Variants in NEDD4L observed in about 807,000 individuals in gnomAD.
NEDD4L encodes NEDD4 like E3 ubiquitin protein ligase.
A neutral mutation model predicts 148.9 loss-of-function variants in NEDD4L; 54 were observed. The ratio of observed to expected loss-of-function variants is 0.36; its 90% CI spans 0.29 to 0.45. The LOEUF (loss-of-function observed/expected upper bound fraction) is 0.45, where lower values mean the gene tolerates loss of function less well. Among genes scored for constraint, NEDD4L ranks in the 20% least tolerant of loss-of-function variants. The pLI is 1.00. For missense variants in NEDD4L, 856 were observed against 1,233.8 expected, an observed-to-expected ratio of 0.69 and a Z score of 4.59; for synonymous variants, 433 against 440.7, an observed-to-expected ratio of 0.98 and a Z score of 0.22.
intron 20 of NEDD4L, among the ~76,000 whole-genome samples, chr18:58,365,113 C>T (rs1351284608): frequency 2.6e-5 from 4 of 152,176 alleles, no homozygotes; most frequent in Non-Finnish European, 5.9e-5. Context: ...TCCTCCTGCC[C>T]GGGAACATCT....
At chr18:58,335,719 A>G (rs745717040) in intron 13 of NEDD4L, 182 bp downstream of exon 13, 2 of 525,596 alleles carry the variant, frequency 3.8e-6, no homozygotes, top group Non-Finnish European at 6.8e-6. Flanking sequence ...TGGGTAAAAT[A>G]GAATGATTTT....
rs59608519 is a variant in NEDD4L, at chr18:58,214,607, TTGTGTGTGTGTG to T, written c.123-30794_123-30783del. Among the ~76,000 whole-genome samples, 756 of 145,298 alleles carry T rather than the reference TTGTGTGTGTGTG, an allele frequency of 5.2e-3. 4 individuals carry two copies. The highest frequency in any genetic ancestry group is 0.018 in the African/African-American group (700 of 39,668). ...ATTCCATAAACATTAGCTGCTCGGTTTGTGTGTGTGTGTGTGTGTGTGTGTGTGTGTGTGTGT... is the reference window on the plus strand; with the variant it reads ...ATTCCATAAACATTAGCTGCTCGGTTTGTGTGTGTGTGTGTGTGTGTGTGT... On this transcript the variant is annotated intron_variant, in intron 2 of 30. Transcript: ENST00000400345.
chr18:58,346,139 G>A (rs2043034256), intron 16 of NEDD4L, among the ~76,000 whole-genome samples: 1 of 152,134 alleles, frequency 6.6e-6, no homozygotes. Flanking sequence ...AATGCATGCT[G>A]GAGACCAGGG....
intron 2 of NEDD4L, among the ~76,000 whole-genome samples, chr18:58,218,356 A>G (rs752022963): frequency 2.0e-5 from 3 of 152,238 alleles, no homozygotes; most frequent in Non-Finnish European, 4.4e-5. Flanking sequence ...CTTATTGCTT[A>G]CATTTAAGTG....
At chr18:58,109,576 T>TTTTTTG (rs2085292144) in intron 1 of NEDD4L, among the ~76,000 whole-genome samples, 2 of 147,272 alleles carry the variant, frequency 1.4e-5, no homozygotes, top group African/African-American at 5.0e-5. Flanking sequence ...TTTTTTGTTT[T>TTTTTTG]TTTTTTTTTT....
At chr18:58,265,961 C>T (rs920669246) in intron 5 of NEDD4L, among the ~76,000 whole-genome samples, 8 of 151,968 alleles carry the variant, frequency 5.3e-5, no homozygotes, top group Non-Finnish European at 7.4e-5. Context: ...ATTTTAAATA[C>T]GTCTCTGCAT....
intron 5 of NEDD4L, among the ~76,000 whole-genome samples, chr18:58,275,528 A>G (rs1270156885): frequency 6.6e-6 from 1 of 152,220 alleles, no homozygotes; most frequent in Non-Finnish European, 1.5e-5. Flanking sequence ...ATTTGGAGAG[A>G]TAACACAGGC....
rs534973367 is a variant in NEDD4L at position 58,203,257 on chromosome 18, G to A, written c.122+37396G>A. 5.3e-5 allele frequency among the ~76,000 whole-genome samples: 8 copies of A among 152,206 alleles called. No individual in the cohort carries two copies. In the South Asian group the frequency reaches 1.0e-3, roughly 20 times the overall value. Reference sequence around the variant, plus strand: ...GCTGGGATGATAGGTGTAAGCCGCCGCACCTGGCCCTCAGTGCATACTTAG... The same window carrying A: ...GCTGGGATGATAGGTGTAAGCCGCCACACCTGGCCCTCAGTGCATACTTAG... On this transcript the variant is annotated intron_variant, in intron 2 of 30. Transcript: ENST00000400345.
At chr18:58,097,586 G>A (rs1433065887) in intron 1 of NEDD4L, among the ~76,000 whole-genome samples, 2 of 152,150 alleles carry the variant, frequency 1.3e-5, no homozygotes, top group African/African-American at 4.8e-5. Context: ...CTTATCTAAA[G>A]TCTAAAGTTA....
chr18:58,278,483 A>G (rs1050748144), intron 5 of NEDD4L, among the ~76,000 whole-genome samples: 2 of 152,226 alleles, frequency 1.3e-5, no homozygotes, highest in African/African-American at 2.4e-5. Context: ...TTATAGCTCA[A>G]AAGTATGGAT....
intron 2 of NEDD4L, among the ~76,000 whole-genome samples, chr18:58,203,964 CT>C (rs2041712753): frequency 6.6e-6 from 1 of 152,168 alleles, no homozygotes; most frequent in Non-Finnish European, 1.5e-5. Context: ...AAAGCCACTG[CT>C]TTTAGCCACA....
chr18:58,374,854 A>G (rs576274934), intron 24 of NEDD4L, among the ~76,000 whole-genome samples: 12 of 151,806 alleles, frequency 7.9e-5, no homozygotes, highest in East Asian at 3.9e-4. Context: ...CACCCTTGCT[A>G]TCTGGATTTC....
At chr18:58,059,240 T>A (rs2082219971) in intron 1 of NEDD4L, among the ~76,000 whole-genome samples, 1 of 152,156 alleles carries the variant, frequency 6.6e-6, no homozygotes, top group South Asian at 2.1e-4. Flanking sequence ...CTCCTCCTAT[T>A]TTCTAGTCTG....
In NEDD4L at chr18:58,357,255, C is replaced by A; in HGVS notation, c.1767+3C>A. On this transcript the variant is annotated splice_donor_region_variant and intron_variant, in intron 19 of 30. Coordinates refer to ENST00000400345, the MANE Select transcript of NEDD4L (RefSeq NM_001144967.3). ...AGAACCCAGCTATTACTGGTCCGGT[C>A]AGTATTTTCAAATTCTGCCTCTTCA... 6.2e-7 allele frequency: 1 copy of A among 1,611,400 alleles called. No homozygotes were observed. The highest frequency in any genetic ancestry group is 1.1e-5 in the South Asian group (1 of 91,014).
chr18:58,353,170 C>T (rs1460742323), intron 18 of NEDD4L, among the ~76,000 whole-genome samples: 4 of 152,178 alleles, frequency 2.6e-5, no homozygotes, highest in Admixed American at 2.6e-4. Flanking sequence ...AGCGCAACTC[C>T]GGCTTACTGG....
chr18:58,289,298 G>A (rs1427216382), intron 5 of NEDD4L, among the ~76,000 whole-genome samples: 5 of 152,170 alleles, frequency 3.3e-5, no homozygotes, highest in Admixed American at 2.6e-4. Flanking sequence ...GGGCAGGTGG[G>A]AGGAAGTCAG....
chr18:58,101,387 A>G (rs927485897), intron 1 of NEDD4L, among the ~76,000 whole-genome samples: 1 of 152,182 alleles, frequency 6.6e-6, no homozygotes, highest in African/African-American at 2.4e-5. Context: ...AACTCAGAAC[A>G]AGGCTTTTGC....
At chr18:58,266,006 A>C (rs1008858380) in intron 5 of NEDD4L, among the ~76,000 whole-genome samples, 1 of 152,096 alleles carries the variant, frequency 6.6e-6, no homozygotes, top group Non-Finnish European at 1.5e-5. Context: ...ATGTAAGAAA[A>C]ATGCTAATCT....
intron 1 of NEDD4L, among the ~76,000 whole-genome samples, chr18:58,145,317 T>C (rs533388065): frequency 9.3e-4 from 141 of 152,334 alleles, no homozygotes; most frequent in Middle Eastern, 6.8e-3. Context: ...CGTGACAGTC[T>C]GAAGAATCAA....
Sources: allele counts gnomAD v4.1 joint callset (sites outside exome capture counted in the v4.1 genomes callset), GRCh38; gene constraint gnomAD v4.1.1; transcripts MANE v1.5; gene names NCBI Gene and HGNC (gene_info 2026-07-23, HGNC 2026-07-21).